SF3B3: variants seen among roughly 807,000 people sequenced by gnomAD.
SF3B3 encodes the protein splicing factor 3b subunit 3.
SF3B3 carries 33 observed loss-of-function variants against 139.2 expected under a neutral mutation model. That is an observed-to-expected ratio of 0.24 (90% CI 0.18 to 0.32). SF3B3 has a LOEUF of 0.32. Ranked by LOEUF, SF3B3 falls within the 10% of genes least tolerant of loss-of-function variation. The pLI is 1.00. For synonymous variants in SF3B3, 596 were observed against 563.6 expected (o/e 1.06, Z -0.81); for missense variants, 818 against 1,509.4 (o/e 0.54, Z 7.59).
At chr16:70,563,740 CTGT>C in intron 17 of SF3B3, 133 bp from the exon 18 acceptor site, 1 of 736,834 alleles carries the variant, frequency 1.4e-6, no homozygotes, top group South Asian at 1.9e-5. Flanking sequence ...GAGTAGGAGG[CTGT>C]TGTTTAATGT....
chr16:70,548,148 C>T (rs1048231360), intron 10 of SF3B3, among the ~76,000 whole-genome samples: 1 of 152,100 alleles, frequency 6.6e-6, no homozygotes, highest in Non-Finnish European at 1.5e-5. Flanking sequence ...CAACTGTACC[C>T]TCTCAGACAT....
intron 17 of SF3B3, among the ~76,000 whole-genome samples, chr16:70,562,488 C>G (rs2050438409): frequency 6.6e-6 from 1 of 152,154 alleles, no homozygotes; most frequent in South Asian, 2.1e-4. Context: ...CTTTTTCTTT[C>G]CGTCATCTTT....
intron 2 of SF3B3, among the ~76,000 whole-genome samples, chr16:70,528,488 T>TTTTA (rs1188863120): frequency 1.3e-4 from 15 of 118,718 alleles, no homozygotes; most frequent in South Asian, 3.2e-4. Context: ...TTTTTTTTTT[T>TTTTA]AGAGACGATA....
rs759564399 is a variant in SF3B3, at chr16:70,565,438, A to T, written c.2740A>T (p.Ile914Leu). 1.9e-6 allele frequency: 3 copies of T among 1,614,132 alleles called. No individual in the cohort carries two copies. The highest frequency in any genetic ancestry group is 2.2e-5 in the East Asian group (1 of 44,886). ...GCTGGTGGGTGTGGCCAAGGACCTGATACTAAACCCCCGATCTGTGGCAGG... is the reference window on the plus strand; with the variant it reads ...GCTGGTGGGTGTGGCCAAGGACCTGTTACTAAACCCCCGATCTGTGGCAGG... ...YVLVGVAKDL[I>L]LNPRSVAGGF... is the part of the protein sequence containing the mutation. The change falls in exon 20 of 26, where the codon ATA becomes TTA. Residue 914 changes from isoleucine (I) to leucine (L), a missense_variant. By Grantham distance (5) the Ile-to-Leu change is conservative. This residue lies in a region of SF3B3 where 145 missense variants were observed against 153.6 expected (regional missense o/e 0.94). Coordinates refer to ENST00000302516, the MANE Select transcript of SF3B3 (RefSeq NM_012426.5).
intron 17 of SF3B3, 104 bp from the exon 18 acceptor site, chr16:70,563,772 G>T: frequency 9.3e-7 from 1 of 1,078,120 alleles, no homozygotes; most frequent in South Asian, 1.5e-5. Flanking sequence ...GCCAACGTTA[G>T]AGCTCCAGGG....
chr16:70,566,795 TC>T (rs1454604122), intron 20 of SF3B3, among the ~76,000 whole-genome samples: 2 of 152,096 alleles, frequency 1.3e-5, no homozygotes, highest in Non-Finnish European at 2.9e-5. Context: ...ACGCTTGTAA[TC>T]CCAGCATTTT....
chr16:70,571,405 A>G (rs1050275545), intron 25 of SF3B3, among the ~76,000 whole-genome samples: 1 of 152,186 alleles, frequency 6.6e-6, no homozygotes, highest in Non-Finnish European at 1.5e-5. Context: ...GTGGGGTTCA[A>G]GTATCGAGTG....
At chr16:70,556,664 G>A (rs1385912778) in intron 14 of SF3B3, 6 of 612,462 alleles carry the variant, frequency 9.8e-6, no homozygotes, top group Non-Finnish European at 1.7e-5. Flanking sequence ...AATTACCTTT[G>A]CCATTATCTT....
chr16:70,556,764 C>T (rs1185845859), intron 14 of SF3B3, 122 bp from the exon 15 acceptor site: 80 of 1,046,442 alleles, frequency 7.6e-5, no homozygotes, highest in Non-Finnish European at 1.1e-4. Flanking sequence ...AGAACTCACT[C>T]CCCGGGTTTT....
chr16:70,558,500 T>G (rs1172325192), intron 15 of SF3B3, among the ~76,000 whole-genome samples: 2 of 151,792 alleles, frequency 1.3e-5, no homozygotes, highest in South Asian at 2.1e-4. Flanking sequence ...CTATTTCACC[T>G]TTTTTTCTCT....
At chr16:70,556,039 T>A (rs985839925) in intron 13 of SF3B3, 140 bp from the exon 14 acceptor site, 18 of 762,196 alleles carry the variant, frequency 2.4e-5, no homozygotes, top group Non-Finnish European at 3.6e-5. Flanking sequence ...TGTCATTTAC[T>A]ATAGTAAGAG....
rs2050379560 is a variant in SF3B3, at chr16:70,556,349, G to A, written c.1866+15G>A. 6.2e-7 allele frequency: 1 copy of A among 1,613,946 alleles called. No individual in the cohort carries two copies. The highest frequency in any genetic ancestry group is 8.5e-7 in the Non-Finnish European group (1 of 1,179,952). ...TGGATCCCTCAGTGAGTGACACTCT[G>A]AGCTTCAAGGATCATCTGGTTGGAA... On this transcript the variant is annotated intron_variant, in intron 14 of 25. Transcript: ENST00000302516.
chr16:70,528,567 G>C (rs1229004496), intron 2 of SF3B3, among the ~76,000 whole-genome samples: 3 of 150,034 alleles, frequency 2.0e-5, no homozygotes, highest in Non-Finnish European at 4.4e-5. Flanking sequence ...TGAACTCCTG[G>C]GTTCAAACTG....
chr16:70,544,422 C>A lies in SF3B3; in HGVS notation c.1234-16C>A, dbSNP rs374741990. The A allele has an allele frequency of 1.2e-5, 18 of 1,555,266 alleles. No homozygotes were observed. Among genetic ancestry groups the A allele is most frequent in the Non-Finnish European group, 2.7e-6 (3 of 1,130,638 alleles). On this transcript the variant is annotated splice_polypyrimidine_tract_variant and intron_variant, in intron 9 of 25. Transcript: ENST00000302516. ...GCACTGGAGACATTTTTTCCTCTAA[C>A]TTTTTCTCTGTGCAGATAGCTGATC... is the stretch of plus-strand genomic sequence containing the variant.
In SF3B3 at chr16:70,565,080, G is replaced by T; in HGVS notation, c.2479G>T (p.Ala827Ser). The T allele has an allele frequency of 6.2e-7, 1 of 1,613,478 alleles. No individual in the cohort carries two copies. Among genetic ancestry groups the T allele is most frequent in the Non-Finnish European group, 8.5e-7 (1 of 1,180,016 alleles). ...QQMAEEMVEA[A>S]GEDERELAAE... ...TTGGGTTTAGGAAATGGTGGAAGCA[G>T]CAGGGGAGGATGAGCGGGAGCTGGC... Residue 827 changes from alanine (A) to serine (S), a missense_variant, in exon 19 of 26, where the codon GCA (alanine) becomes TCA (serine). By Grantham distance (99) the Ala-to-Ser change is moderately conservative (BLOSUM62 1). This residue lies in a region of SF3B3 where 25 missense variants were observed against 68.1 expected (regional missense o/e 0.37). Transcript: ENST00000302516.
At chr16:70,558,288 T>TA (rs11409419) in intron 15 of SF3B3, among the ~76,000 whole-genome samples, 401 of 150,096 alleles carry the variant, frequency 2.7e-3, no homozygotes, top group African/African-American at 8.0e-3. Context: ...TTTTTTTCTT[T>TA]AAAAAAAAAT....
chr16:70,524,015 C>A, intron 1 of SF3B3, 87 bp downstream of exon 1: 1 of 420,950 alleles, frequency 2.4e-6, no homozygotes, highest in South Asian at 8.4e-5. Flanking sequence ...TGGCGGGGGT[C>A]ACGGGCAGTC....
chr16:70,560,264 A>T (rs2050416686), intron 15 of SF3B3: 3 of 401,008 alleles, frequency 7.5e-6, no homozygotes, highest in South Asian at 7.9e-5. Context: ...TTTACTTAGT[A>T]GATGCTCCAT....
chr16:70,560,510 G>T lies in SF3B3; in HGVS notation c.2052G>T (p.Gly684=). 6.2e-7 allele frequency: 1 copy of T among 1,613,950 alleles called. No individual in the cohort carries two copies. Among genetic ancestry groups the T allele is most frequent in the African/African-American group, 1.3e-5 (1 of 75,048 alleles). The change falls in exon 16 of 26, where the codon GGG becomes GGT. Residue 684 remains glycine (G), a synonymous_variant. Transcript: ENST00000302516. ...GGACTGTCTTGGACCCTGTCACTGGGGATTTGTCTGATACTCGCACTCGGT... is the reference window on the plus strand; with the variant it reads ...GGACTGTCTTGGACCCTGTCACTGGTGATTTGTCTGATACTCGCACTCGGT... ...LLRTVLDPVT[G]DLSDTRTRYL...
Sources: allele counts gnomAD v4.1 joint callset (sites outside exome capture counted in the v4.1 genomes callset), GRCh38; gene constraint gnomAD v4.1.1; regional missense constraint gnomAD v4.1.1; transcripts MANE v1.5; gene names NCBI Gene and HGNC (gene_info 2026-07-23, HGNC 2026-07-21).